Variants in PM20D2 observed in about 807,000 individuals in gnomAD.
PM20D2 encodes the protein xaa-Arg dipeptidase.
PM20D2 carries 33 observed loss-of-function variants against 42.9 expected under a neutral mutation model. The ratio of observed to expected loss-of-function variants is 0.77; its 90% CI spans 0.58 to 1.03. The LOEUF is 1.03. PM20D2 is among the 50% of genes least tolerant of loss of function. PM20D2 has a pLI of 0.00. For missense variants in PM20D2, 548 were observed against 557.0 expected (o/e 0.98, Z 0.16); for synonymous variants, 250 against 228.2 (o/e 1.10, Z -0.86).
intron 4 of PM20D2, among the ~76,000 whole-genome samples, chr6:89,157,317 G>C (rs574885212): frequency 2.7e-4 from 41 of 152,182 alleles, no homozygotes; most frequent in Admixed American, 7.9e-4. Context: ...AATTTCTACC[G>C]TAGATGTTGC....
the PM20D2 span, chr6:89,096,757 C>G: frequency 6.6e-6 from 1 of 152,266 alleles, no homozygotes; most frequent in Non-Finnish European, 1.5e-5. Flanking sequence ...CTTGGCCTCC[C>G]AAAGTGCTAG....
rs750452384 is a variant in PM20D2, at chr6:89,162,772, C to CT, written c.*516dup. ...TGTATATTTGAAGCCAGTGTCTTTC[C>CT]TTTTTTTGTTTTAAGATAGAGCCTC... On this transcript the variant is annotated 3_prime_UTR_variant, in exon 7 of 7. Transcript: ENST00000275072. The CT allele has an allele frequency of 0.023, 3,399 of 150,472 alleles. 55 individuals carry two copies. Among genetic ancestry groups the CT allele is most frequent in the African/African-American group, 0.039 (1,574 of 40,738 alleles). The allele number at this position is 150,472 out of a possible 1,614,324, so 9.3% of individuals were successfully genotyped here.
rs3831213 is a variant in PM20D2 at position 89,158,471 on chromosome 6, G to GT, written c.1048+18dup. The GT allele has an allele frequency of 0.28, 446,922 of 1,594,880 alleles. 65,966 individuals carry two copies. The highest frequency in any genetic ancestry group is 0.5 in the African/African-American group (37,008 of 73,502). ...TGAATGGCCCTTCAGGTAATTAAGT[G>GT]TTTTTTTATATATTGAGCTATTTGA... On this transcript the variant is annotated intron_variant, in intron 5 of 6. Transcript: ENST00000275072.
At chr6:89,127,193 T>C in the PM20D2 span, among the ~76,000 whole-genome samples, 2 of 152,176 alleles carry the variant, frequency 1.3e-5, no homozygotes, top group East Asian at 3.8e-4. Flanking sequence ...GATGATAGAA[T>C]TATAATGTCA....
At chr6:89,098,565 T>C in the PM20D2 span, 1 of 1,595,318 alleles carries the variant, frequency 6.3e-7, no homozygotes, top group Non-Finnish European at 8.6e-7. Context: ...CGTGGTGCTC[T>C]TTCTGTTGCT....
intron 4 of PM20D2, among the ~76,000 whole-genome samples, chr6:89,155,575 C>T (rs1054504939): frequency 2.6e-5 from 4 of 152,122 alleles, no homozygotes; most frequent in African/African-American, 9.7e-5. Flanking sequence ...TAGGCATGAA[C>T]CACCTCGCCC....
chr6:89,162,465 A>G lies in PM20D2; in HGVS notation c.*202A>G, dbSNP rs1771278639. 2 of 466,656 alleles carry G rather than the reference A, an allele frequency of 4.3e-6. No homozygotes were observed. 28.9% of individuals were successfully genotyped at this position (466,656 alleles called of 1,614,324 possible). On this transcript the variant is annotated 3_prime_UTR_variant, in exon 7 of 7. Transcript: ENST00000275072. ...TTGCAAATCCGTACTTGATAGGATT[A>G]TGATATTACAGGAGCTGGTATGTGA...
At chr6:89,154,021 A>G (rs1021153826) in intron 3 of PM20D2, among the ~76,000 whole-genome samples, 2 of 152,170 alleles carry the variant, frequency 1.3e-5, no homozygotes, top group Non-Finnish European at 2.9e-5. Flanking sequence ...AAATTGTTAT[A>G]TTTTAATATC....
At chr6:89,153,278 A>C in intron 3 of PM20D2, 93 bp downstream of exon 3, 1 of 1,016,594 alleles carries the variant, frequency 9.8e-7, no homozygotes, top group Non-Finnish European at 1.3e-6. Flanking sequence ...AAATTTGGAA[A>C]TATTTTTGTA....
chr6:89,139,872 T>C, the PM20D2 span, among the ~76,000 whole-genome samples: 1 of 152,212 alleles, frequency 6.6e-6, no homozygotes, highest in Non-Finnish European at 1.5e-5. Context: ...CAAGGTATGA[T>C]GTAATGCTTT....
chr6:89,120,822 A>G, the PM20D2 span, among the ~76,000 whole-genome samples: 2,540 of 152,256 alleles, frequency 0.017, 42 homozygotes, highest in Middle Eastern at 0.058. Context: ...GCAGTGAACT[A>G]TGTTTGTGCC....
the PM20D2 span, chr6:89,098,440 G>C: frequency 1.8e-6 from 2 of 1,121,324 alleles, no homozygotes; most frequent in Non-Finnish European, 2.4e-6. Context: ...TCCAAAGCTA[G>C]AGATTTTATT....
the PM20D2 span, among the ~76,000 whole-genome samples, chr6:89,118,660 C>G: frequency 6.6e-6 from 1 of 152,140 alleles, no homozygotes; most frequent in African/African-American, 2.4e-5. Flanking sequence ...CCTTTATTCA[C>G]TTGGGGCATA....
chr6:89,111,742 TTAAG>T, the PM20D2 span, among the ~76,000 whole-genome samples: 1 of 152,182 alleles, frequency 6.6e-6, no homozygotes, highest in Non-Finnish European at 1.5e-5. Flanking sequence ...TCTTTCATCA[TTAAG>T]TATGATGTTA....
chr6:89,122,784 T>A, the PM20D2 span, among the ~76,000 whole-genome samples: 3 of 152,226 alleles, frequency 2.0e-5, no homozygotes, highest in African/African-American at 7.2e-5. Context: ...GAACTCACTC[T>A]CCAACAGATG....
the PM20D2 span, among the ~76,000 whole-genome samples, chr6:89,116,786 A>C: frequency 6.6e-6 from 1 of 152,006 alleles, no homozygotes; most frequent in Non-Finnish European, 1.5e-5. Flanking sequence ...AAAAAAAAAA[A>C]AAAACTAAAA....
chr6:89,095,539 T>C, the PM20D2 span, among the ~76,000 whole-genome samples: 1 of 152,252 alleles, frequency 6.6e-6, no homozygotes, highest in Admixed American at 6.5e-5. Context: ...CCTTTAAATT[T>C]TGACTAATTT....
chr6:89,103,014 C>T, the PM20D2 span, among the ~76,000 whole-genome samples: 1 of 152,112 alleles, frequency 6.6e-6, no homozygotes, highest in South Asian at 2.1e-4. Context: ...TGATCTCACC[C>T]TGGCCTCCCA....
Position 89,153,090 on chromosome 6 carries a change from C to T in PM20D2, c.662C>T (p.Pro221Leu). 2 of 1,608,966 alleles carry T rather than the reference C, an allele frequency of 1.2e-6. No homozygotes were observed. Among genetic ancestry groups the T allele is most frequent in the East Asian group, 2.2e-5 (1 of 44,710 alleles). The change falls in exon 3 of 7, where the codon CCC (proline) becomes CTC (leucine). Residue 221 changes from proline (P) to leucine (L), a missense_variant. Physicochemically the swap from Pro to Leu is moderately conservative, Grantham distance 98 (BLOSUM62 -3). Coordinates refer to ENST00000275072, the MANE Select transcript of PM20D2 (RefSeq NM_001010853.3). The part of the protein sequence containing the change: ...YGKASHSASY[P>L]WEGLNALDAA... ...AAAGCATCTCATTCTGCTTCTTATCCCTGGGAAGGATTAAATGCATTAGAT... is the reference window on the plus strand; with the variant it reads ...AAAGCATCTCATTCTGCTTCTTATCTCTGGGAAGGATTAAATGCATTAGAT...
Sources: gnomAD v4.1 joint callset for allele counts (sites outside exome capture counted in the v4.1 genomes callset) on GRCh38, gnomAD v4.1.1 for gene constraint, MANE v1.5 for transcripts, NCBI Gene and HGNC (gene_info 2026-07-23, HGNC 2026-07-21) for gene names.